PI4K2A: variants seen among roughly 807,000 people sequenced by gnomAD.
The protein encoded by PI4K2A is phosphatidylinositol 4-kinase type 2 alpha, also known as phosphatidylinositol 4-kinase type 2-alpha.
PI4K2A carries 20 observed loss-of-function variants against 55.0 expected under a neutral mutation model. The ratio of observed to expected loss-of-function variants is 0.36; its 90% confidence interval spans 0.26 to 0.53. The LOEUF is 0.53. Among genes scored for constraint, PI4K2A ranks in the 20% least tolerant of loss-of-function variants. The pLI is 0.91. For missense variants in PI4K2A, 463 were observed against 637.1 expected (o/e 0.73, Z 2.94); for synonymous variants, 235 against 258.5 (o/e 0.91, Z 0.87).
chr10:97,666,034 T>A (rs1381292474), intron 6 of PI4K2A, among the ~76,000 whole-genome samples: 1 of 152,224 alleles, frequency 6.6e-6, no homozygotes, highest in African/African-American at 2.4e-5. Context: ...CAGTGTTCTG[T>A]CTTCCTTGTT....
chr10:97,641,061 G>T, exon 1 of PI4K2A: 2 of 1,606,664 alleles, frequency 1.2e-6, no homozygotes, highest in Non-Finnish European at 1.7e-6. Flanking sequence ...GTTCCCGGAG[G>T]ATCCTGAGTT....
At chr10:97,660,002 CTTTT>C (rs1206693622) in intron 4 of PI4K2A, among the ~76,000 whole-genome samples, 1 of 137,848 alleles carries the variant, frequency 7.3e-6, no homozygotes. Flanking sequence ...TCTTTCTTTT[CTTTT>C]TTTTTTTTTT....
chr10:97,657,859 C>T (rs1280874270), intron 4 of PI4K2A, among the ~76,000 whole-genome samples: 1 of 106,334 alleles, frequency 9.4e-6, no homozygotes, highest in African/African-American at 3.2e-5. Context: ...TTGTTGAGAC[C>T]GAGTCTTGCT....
chr10:97,658,360 C>G (rs1222436907), intron 4 of PI4K2A, among the ~76,000 whole-genome samples: 1 of 152,178 alleles, frequency 6.6e-6, no homozygotes, highest in Non-Finnish European at 1.5e-5. Context: ...TAGTATATAT[C>G]AGAATTTCCT....
rs146441790 is a variant in PI4K2A at position 97,652,329 on chromosome 10, T to C, written c.636+1188T>C. The stretch of plus-strand genomic sequence containing the variant: ...CTTATTTTTAGAGACAGGGTCTTGC[T>C]CTGTTGCCCAGGCTGGGGTGCAGTG... On this transcript the variant is annotated intron_variant, in intron 2 of 8. Coordinates refer to ENST00000370631, the Ensembl canonical transcript of PI4K2A. 2.3e-3 allele frequency among the ~76,000 whole-genome samples: 356 copies of C among 152,292 alleles called. 1 individual carries two copies. Among genetic ancestry groups the C allele is most frequent in the African/African-American group, 6.0e-3 (248 of 41,564 alleles).
intron 4 of PI4K2A, 66 bp downstream of exon 4, chr10:97,657,040 G>A: frequency 6.5e-7 from 1 of 1,531,128 alleles, no homozygotes; most frequent in Non-Finnish European, 9.0e-7. Context: ...AGGCCTGGAG[G>A]CTTGCAGGGC....
At chr10:97,672,316 C>G (rs1295362100) in intron 8 of PI4K2A, among the ~76,000 whole-genome samples, 3 of 152,180 alleles carry the variant, frequency 2.0e-5, no homozygotes, top group African/African-American at 7.2e-5. Flanking sequence ...GCTGGGATTA[C>G]AGACATGAGC....
At chr10:97,663,826 T>TAAA (rs35736231) in intron 5 of PI4K2A, among the ~76,000 whole-genome samples, 1 of 118,302 alleles carries the variant, frequency 8.5e-6, no homozygotes, top group Non-Finnish European at 1.8e-5. Flanking sequence ...TCTCAAAAAT[T>TAAA]AAAAAAAAAA....
chr10:97,673,483 A>G, intron 8 of PI4K2A, 98 bp from the exon 9 acceptor site: 1 of 940,844 alleles, frequency 1.1e-6, no homozygotes, highest in Non-Finnish European at 1.6e-6. Flanking sequence ...GTATTTTAAA[A>G]AATTGATTTG....
intron 6 of PI4K2A, among the ~76,000 whole-genome samples, chr10:97,665,873 G>A (rs764652352): frequency 2.6e-5 from 4 of 152,224 alleles, no homozygotes; most frequent in Non-Finnish European, 4.4e-5. Context: ...TTACAGGCAT[G>A]AGCCACTGCG....
intron 4 of PI4K2A, among the ~76,000 whole-genome samples, chr10:97,660,538 C>T (rs568219180): frequency 1.3e-5 from 2 of 152,166 alleles, no homozygotes; most frequent in East Asian, 3.9e-4. Context: ...TCGTGATCTG[C>T]CTGCCTTGGC....
intron 4 of PI4K2A, among the ~76,000 whole-genome samples, chr10:97,660,415 C>A (rs1210912022): frequency 3.3e-5 from 5 of 151,700 alleles, no homozygotes; most frequent in Non-Finnish European, 7.4e-5. Flanking sequence ...CCTGCCTCAG[C>A]CTCCCGAGTA....
chr10:97,660,879 C>G (rs76728134), intron 4 of PI4K2A, among the ~76,000 whole-genome samples: 1 of 151,242 alleles, frequency 6.6e-6, no homozygotes, highest in African/African-American at 2.4e-5. Context: ...CTTGTTACCA[C>G]CTTCAACAGT....
chr10:97,670,843 T>G (rs2041631302), intron 8 of PI4K2A, among the ~76,000 whole-genome samples: 1 of 151,972 alleles, frequency 6.6e-6, no homozygotes, highest in African/African-American at 2.4e-5. Context: ...ATCTAGTGTT[T>G]TAAAGAAGAT....
chr10:97,660,577 A>C (rs2041577209), intron 4 of PI4K2A, among the ~76,000 whole-genome samples: 1 of 152,050 alleles, frequency 6.6e-6, no homozygotes, highest in Non-Finnish European at 1.5e-5. Flanking sequence ...TACAGGTGTG[A>C]GCCATCGAGC....
rs529767781 is a variant in PI4K2A, at chr10:97,654,312, A to G, written c.637-1973A>G. On this transcript the variant is annotated intron_variant, in intron 2 of 8. Coordinates refer to ENST00000370631, the Ensembl canonical transcript of PI4K2A. ...GGACACTGGCAAGGTAGCCTTAGGA[A>G]AGCTCTTTTTCCTTCATTCCTATGC... is the stretch of plus-strand genomic sequence containing the variant. Among the ~76,000 whole-genome samples the G allele has an allele frequency of 4.6e-5, 7 of 152,236 alleles. No homozygotes were observed. The South Asian group carries it at 1.0e-3, about 23-fold the overall frequency.
intron 1 of PI4K2A, among the ~76,000 whole-genome samples, chr10:97,642,884 T>TCTTTCTTTCTTTCTTTCTTTCTTCCTTC: frequency 1.0e-5 from 1 of 96,884 alleles, no homozygotes; most frequent in Non-Finnish European, 2.1e-5. Context: ...TTTCTTTCTT[T>TCTTTCTTTCTTTCTTTCTTTCTTCCTTC]CTTCCTTCCT....
chr10:97,656,835 G>A lies in PI4K2A; in HGVS notation c.783G>A (p.Gln261=), dbSNP rs2041557141. Residue 261 remains glutamine, a synonymous_variant, in exon 4 of 9, where the codon CAG becomes CAA. Coordinates refer to ENST00000370631, the Ensembl canonical transcript of PI4K2A. The surrounding 1 kb of genome is among the most constrained non-coding windows in gnomAD (Gnocchi z 4.5). ...CTTGGTTCCAGGTTGGTTCATTCCA[G>A]CTCTTTGTTGAAGGCTACAAAGATG... The A allele has an allele frequency of 6.2e-7, 1 of 1,614,082 alleles. No homozygotes were observed. The highest frequency in any genetic ancestry group is 8.5e-7 in the Non-Finnish European group (1 of 1,180,002).
At chr10:97,654,006 C>T (rs1279284623) in intron 2 of PI4K2A, among the ~76,000 whole-genome samples, 1 of 152,198 alleles carries the variant, frequency 6.6e-6, no homozygotes, top group Non-Finnish European at 1.5e-5. Flanking sequence ...AGTAAGAGGA[C>T]TCCTCTCCCT....
Sources: gnomAD v4.1 joint callset for allele counts (sites outside exome capture counted in the v4.1 genomes callset) on GRCh38, gnomAD v4.1.1 for gene constraint, Gnocchi (gnomAD v3.1) non-coding constraint, MANE v1.5 for transcripts, NCBI Gene and HGNC (gene_info 2026-07-23, HGNC 2026-07-21) for gene names.